The following GRM1 variants were observed in gnomAD, a reference collection of about 807,000 sequenced individuals.
GRM1 encodes glutamate metabotropic receptor 1.
Under a neutral mutation model 90.9 loss-of-function variants are expected in GRM1, and 33 were observed. The ratio of observed to expected loss-of-function variants is 0.36; its 90% CI spans 0.28 to 0.49. The LOEUF is 0.49. Ranked by LOEUF, GRM1 falls within the 20% of genes least tolerant of loss-of-function variation. GRM1 has a pLI of 0.99. For synonymous variants in GRM1, 700 were observed against 613.2 expected (o/e 1.14, Z -2.09); for missense variants, 1,190 against 1,534.3 (o/e 0.78, Z 3.75).
At chr6:146,349,874 G>GT (rs1303906704) in intron 3 of GRM1, among the ~76,000 whole-genome samples, 2 of 152,098 alleles carry the variant, frequency 1.3e-5, no homozygotes, top group Non-Finnish European at 2.9e-5. Context: ...ATATTTACGT[G>GT]TGTCTATACA....
At chr6:146,099,446 A>C (rs1277072726) in intron 1 of GRM1, among the ~76,000 whole-genome samples, 2 of 152,204 alleles carry the variant, frequency 1.3e-5, no homozygotes, top group Non-Finnish European at 2.9e-5. Context: ...AAAGATCTGG[A>C]GTATCTACTG....
intron 1 of GRM1, among the ~76,000 whole-genome samples, chr6:146,050,286 T>C (rs1458727900): frequency 2.6e-5 from 4 of 152,030 alleles, no homozygotes; most frequent in African/African-American, 9.7e-5. Context: ...GTTTTCTTCA[T>C]GTGTGTCTCT....
intron 1 of GRM1, among the ~76,000 whole-genome samples, chr6:146,087,305 T>C (rs1435033890): frequency 1.3e-5 from 2 of 152,152 alleles, no homozygotes; most frequent in Non-Finnish European, 2.9e-5. Context: ...AGAGGTCCTA[T>C]CTGCCTGCAC....
chr6:146,314,145 C>T (rs1424795339), intron 3 of GRM1, among the ~76,000 whole-genome samples: 3 of 125,578 alleles, frequency 2.4e-5, no homozygotes, highest in Non-Finnish European at 3.1e-5. Context: ...TGGCTCATTG[C>T]GACCTCTGCC....
At chr6:146,053,480 G>T (rs1368562502) in intron 1 of GRM1, among the ~76,000 whole-genome samples, 2 of 151,998 alleles carry the variant, frequency 1.3e-5, no homozygotes, top group African/African-American at 4.8e-5. Flanking sequence ...GAGGCTGAAG[G>T]GATTTCAGAT....
intron 3 of GRM1, among the ~76,000 whole-genome samples, chr6:146,312,210 G>A (rs965129308): frequency 6.6e-6 from 1 of 151,384 alleles, no homozygotes; most frequent in African/African-American, 2.4e-5. Flanking sequence ...GCACAGTGGC[G>A]GGCACCTGTA....
chr6:146,072,804 T>G (rs1182412649), intron 1 of GRM1, among the ~76,000 whole-genome samples: 1 of 152,100 alleles, frequency 6.6e-6, no homozygotes, highest in Non-Finnish European at 1.5e-5. Context: ...GTCTATAAAT[T>G]TCTGAAGACG....
chr6:146,121,887 G>A, intron 1 of GRM1, among the ~76,000 whole-genome samples: 1 of 152,208 alleles, frequency 6.6e-6, no homozygotes, highest in Admixed American at 6.5e-5. Context: ...GCAATGTGGT[G>A]CTGAGAAGAA....
At chr6:146,329,923 A>G (rs1336057491) in intron 3 of GRM1, among the ~76,000 whole-genome samples, 2 of 152,220 alleles carry the variant, frequency 1.3e-5, no homozygotes, top group South Asian at 2.1e-4. Context: ...TTTCTTCTGA[A>G]TGTGTATATC....
At chr6:146,167,421 GT>G (rs1485501788) in intron 2 of GRM1, among the ~76,000 whole-genome samples, 1 of 152,066 alleles carries the variant, frequency 6.6e-6, no homozygotes, top group African/African-American at 2.4e-5. Flanking sequence ...GAGATTATGG[GT>G]CATAAGTGTG....
intron 1 of GRM1, among the ~76,000 whole-genome samples, chr6:146,072,957 G>A (rs1024164360): frequency 6.6e-6 from 1 of 152,066 alleles, no homozygotes; most frequent in African/African-American, 2.4e-5. Flanking sequence ...CAGGGAAGAT[G>A]TGCACAGGGG....
intron 2 of GRM1, among the ~76,000 whole-genome samples, chr6:146,199,606 G>A (rs1262297641): frequency 6.6e-6 from 1 of 152,144 alleles, no homozygotes; most frequent in African/African-American, 2.4e-5. Flanking sequence ...GTTATACTGG[G>A]ATGTAGCCTA....
intron 4 of GRM1, 144 bp downstream of exon 4, chr6:146,352,640 T>C (rs1332384946): frequency 1.2e-6 from 1 of 801,396 alleles, no homozygotes; most frequent in South Asian, 1.4e-5. Context: ...AGGGATAATA[T>C]CAGATGAAAT....
At chr6:146,060,514 T>C (rs545682810) in intron 1 of GRM1, among the ~76,000 whole-genome samples, 2 of 152,154 alleles carry the variant, frequency 1.3e-5, no homozygotes, top group Non-Finnish European at 2.9e-5. Context: ...GGTTTTCTGT[T>C]CCTACATTAG....
At chr6:146,065,277 A>AG (rs1227466317) in intron 1 of GRM1, among the ~76,000 whole-genome samples, 1 of 152,142 alleles carries the variant, frequency 6.6e-6, no homozygotes, top group Non-Finnish European at 1.5e-5. Context: ...GGTTCAGGCT[A>AG]TGTGTGAACC....
At chr6:146,412,779 T>G (rs1044049620) in intron 7 of GRM1, among the ~76,000 whole-genome samples, 1 of 152,168 alleles carries the variant, frequency 6.6e-6, no homozygotes, top group Non-Finnish European at 1.5e-5. Context: ...TATTCCATGA[T>G]AGTCATACAA....
At chr6:146,313,850 T>C (rs1783859765) in intron 3 of GRM1, among the ~76,000 whole-genome samples, 1 of 152,066 alleles carries the variant, frequency 6.6e-6, no homozygotes, top group Admixed American at 6.6e-5. Flanking sequence ...AAAATCCCTC[T>C]CGTCTACCCC....
chr6:146,316,834 G>A (rs1783991178), intron 3 of GRM1, among the ~76,000 whole-genome samples: 1 of 152,104 alleles, frequency 6.6e-6, no homozygotes, highest in African/African-American at 2.4e-5. Context: ...TCTACTACCT[G>A]ACCCTAAAAT....
intron 1 of GRM1, among the ~76,000 whole-genome samples, chr6:146,063,992 T>G (rs1190224559): frequency 2.0e-5 from 3 of 152,208 alleles, no homozygotes; most frequent in African/African-American, 4.8e-5. Context: ...AACTTTTGAC[T>G]TTCTTCATAT....
Sources: allele counts gnomAD v4.1 joint callset (sites outside exome capture counted in the v4.1 genomes callset), GRCh38; gene constraint gnomAD v4.1.1; transcripts MANE v1.5; gene names NCBI Gene and HGNC (gene_info 2026-07-23, HGNC 2026-07-21).